The following WSCD1 variants were observed in gnomAD, a reference collection of about 807,000 sequenced individuals.
WSCD1 encodes the protein WSC domain sialate O sulfotransferase 1, also known as sialate:O-sulfotransferase 1.
A neutral mutation model predicts 60.4 loss-of-function variants in WSCD1; 41 were observed. The observed-to-expected ratio is 0.68, with a 90% CI of 0.53 to 0.88. The LOEUF is 0.88. Ranked by LOEUF, WSCD1 falls within the 40% of genes least tolerant of loss-of-function variation. WSCD1 has a pLI of 0.00. For synonymous variants in WSCD1, 361 were observed against 332.5 expected (o/e 1.09, Z -0.93); for missense variants, 784 against 796.2 (o/e 0.98, Z 0.18).
chr17:6,081,120 C>T, intron 2 of WSCD1, 35 bp downstream of exon 2: 1 of 1,506,818 alleles, frequency 6.6e-7, no homozygotes, highest in Non-Finnish European at 8.9e-7. Flanking sequence ...GAGCTGTTCC[C>T]AGGACCCCCC....
At position 6,110,305 on chromosome 17, in the gene WSCD1, T is replaced by G. The variant is rs976953475; in HGVS notation, c.1010-466T>G. 1.3e-5 allele frequency among the ~76,000 whole-genome samples: 2 copies of G among 152,232 alleles called. No homozygotes were observed. Among genetic ancestry groups the G allele is most frequent in the East Asian group, 3.8e-4 (2 of 5,208 alleles). On this transcript the variant is annotated intron_variant, in intron 6 of 8. Transcript: ENST00000317744. This position sits in a 1 kb window ranked among gnomAD's most constrained non-coding sequence, Gnocchi z 4.8. ...GGGGCTTTCCCCTGGTGATTTCATGTGCTCCTTGTAGCAGCCCTGGGGATG... is the reference window on the plus strand; with the variant it reads ...GGGGCTTTCCCCTGGTGATTTCATGGGCTCCTTGTAGCAGCCCTGGGGATG...
intron 5 of WSCD1, among the ~76,000 whole-genome samples, chr17:6,104,738 G>T (rs1036737664): frequency 6.6e-6 from 1 of 152,190 alleles, no homozygotes; most frequent in East Asian, 1.9e-4. Context: ...ATATTGGTTT[G>T]CAGATTTCAC....
chr17:6,099,797 G>C (rs760599353), intron 5 of WSCD1, among the ~76,000 whole-genome samples: 1 of 152,152 alleles, frequency 6.6e-6, no homozygotes, highest in Non-Finnish European at 1.5e-5. Context: ...CCACTTTTCC[G>C]CTGCACACGG....
At chr17:6,087,407 T>C (rs1416041952) in intron 2 of WSCD1, among the ~76,000 whole-genome samples, 1 of 152,220 alleles carries the variant, frequency 6.6e-6, no homozygotes, top group Non-Finnish European at 1.5e-5. Context: ...GGACACTTGC[T>C]CCCATTCTTA....
chr17:6,088,215 C>G (rs1400597800), intron 3 of WSCD1, 111 bp downstream of exon 3: 7 of 875,956 alleles, frequency 8.0e-6, no homozygotes, highest in Non-Finnish European at 1.2e-5. Context: ...ATAATTGGAA[C>G]TCACTGCTCA....
chr17:6,086,262 T>TATATATATATATATATATATATATAG, intron 2 of WSCD1, among the ~76,000 whole-genome samples: 1 of 118,736 alleles, frequency 8.4e-6, no homozygotes, highest in African/African-American at 2.8e-5. Context: ...TATATATATA[T>TATATATATATATATATATATATATAG]ATATATATAT....
At chr17:6,074,457 C>T (rs1908725065) in intron 1 of WSCD1, among the ~76,000 whole-genome samples, 1 of 152,244 alleles carries the variant, frequency 6.6e-6, no homozygotes, top group Admixed American at 6.5e-5. Context: ...GTGCCCCACC[C>T]AGAGGTGGGC....
rs112285134 is a variant in WSCD1, at chr17:6,118,171, G to A, written c.1358G>A (p.Arg453His). The A allele has an allele frequency of 1.2e-5, 20 of 1,614,064 alleles. No individual in the cohort carries two copies. The highest frequency in any genetic ancestry group is 6.6e-5 in the South Asian group (6 of 91,062). ...GGGCACCTGGGATATGCAGCTGACC[G>A]CAACTGGAAGAGCAAAGGTAATCAA... Reference protein sequence around the residue: ...CAGHLGYAADRNWKSKEWPDF... With the variant: ...CAGHLGYAADHNWKSKEWPDF... The change falls in exon 8 of 9, where the codon CGC becomes CAC. Residue 453 changes from arginine to histidine, a missense_variant. By Grantham distance (29) the Arg-to-His change is conservative. Transcript: ENST00000317744. This position sits in a 1 kb window ranked among gnomAD's most constrained non-coding sequence, Gnocchi z 5.8.
intron 7 of WSCD1, among the ~76,000 whole-genome samples, chr17:6,116,220 T>C (rs1911677971): frequency 6.6e-6 from 1 of 152,172 alleles, no homozygotes; most frequent in African/African-American, 2.4e-5. Context: ...GGCCCTTACC[T>C]TATTCAAGCA....
At chr17:6,120,143 C>G (rs532562233) in intron 8 of WSCD1, among the ~76,000 whole-genome samples, 166 bp from the exon 9 acceptor site, 3 of 152,352 alleles carry the variant, frequency 2.0e-5, no homozygotes, top group Admixed American at 6.5e-5. Context: ...CACGGACACA[C>G]TGCTCAGCCA....
intron 1 of WSCD1, among the ~76,000 whole-genome samples, chr17:6,078,700 G>A (rs1014575751): frequency 3.9e-5 from 6 of 152,150 alleles, no homozygotes; most frequent in Non-Finnish European, 8.8e-5. Flanking sequence ...GTCATGCTAA[G>A]GAGCTTAGAG....
rs200707947 is a variant in WSCD1, at chr17:6,090,506, G to A, written c.727+1G>A. 27 of 1,612,266 alleles carry A rather than the reference G, an allele frequency of 1.7e-5. No individual in the cohort carries two copies. The East Asian group carries it at 4.5e-4, about 27-fold the overall frequency. On this transcript the variant is annotated splice_donor_variant, in intron 4 of 8. Coordinates refer to ENST00000317744, the MANE Select transcript of WSCD1 (RefSeq NM_015253.2). LOFTEE classifies it high-confidence loss of function. Reference sequence around the variant, plus strand: ...GAGCTGCAGCCGGGCTCCAGGAAGCGTGAGTGTGCCAGCCTCTTCCTGAGC... The same window carrying A: ...GAGCTGCAGCCGGGCTCCAGGAAGCATGAGTGTGCCAGCCTCTTCCTGAGC...
At position 6,075,732 on chromosome 17, in the gene WSCD1, C is replaced by T. The variant is rs1020964156; in HGVS notation, c.-288-4639C>T. On this transcript the variant is annotated intron_variant, in intron 1 of 8. Transcript: ENST00000317744. The surrounding 1 kb of genome is among the most constrained non-coding windows in gnomAD (Gnocchi z 4.1). Reference sequence around the variant, plus strand: ...GGTGTGCACCTTTGTCCAGCCCTGGCGTGCCCCCTCTACCCCCAATAAGGC... The same window carrying T: ...GGTGTGCACCTTTGTCCAGCCCTGGTGTGCCCCCTCTACCCCCAATAAGGC... Among the ~76,000 whole-genome samples, 1 of 152,164 alleles carries T rather than the reference C, an allele frequency of 6.6e-6. No individual in the cohort carries two copies. The highest frequency in any genetic ancestry group is 2.4e-5 in the African/African-American group (1 of 41,436).
At position 6,101,354 on chromosome 17, in the gene WSCD1, TG is replaced by T. The variant is rs1051789191; in HGVS notation, c.849+6136del. 1.3e-5 allele frequency among the ~76,000 whole-genome samples: 2 copies of T among 151,874 alleles called. No homozygotes were observed. Among genetic ancestry groups the T allele is most frequent in the Admixed American group, 6.6e-5 (1 of 15,258 alleles). ...ATGTTAAATGGGGCAGAGCTGAGCC[TG>T]GGGGTAGGAAGCTAGGGGCTTAATT... On this transcript the variant is annotated intron_variant, in intron 5 of 8. Coordinates refer to ENST00000317744, the MANE Select transcript of WSCD1 (RefSeq NM_015253.2). This position sits in a 1 kb window ranked among gnomAD's most constrained non-coding sequence, Gnocchi z 4.1.
chr17:6,119,425 G>A (rs995505311), intron 8 of WSCD1, among the ~76,000 whole-genome samples: 19 of 152,226 alleles, frequency 1.2e-4, no homozygotes, highest in Non-Finnish European at 7.3e-5. Flanking sequence ...GAGTCTGGGT[G>A]GTAAGTGATG....
In WSCD1 at chr17:6,120,728, T is replaced by G. The variant is rs879123563; in HGVS notation, c.*67T>G. ...CGCACCACGGGGCTGCGCTCCCCACTCTGATGCTCAGGCCCGTGGCCTCAC... is the reference window on the plus strand; with the variant it reads ...CGCACCACGGGGCTGCGCTCCCCACGCTGATGCTCAGGCCCGTGGCCTCAC... On this transcript the variant is annotated 3_prime_UTR_variant, in exon 9 of 9. Coordinates refer to ENST00000317744, the MANE Select transcript of WSCD1 (RefSeq NM_015253.2). 1 of 1,510,352 alleles carries G rather than the reference T, an allele frequency of 6.6e-7. No individual in the cohort carries two copies. Among genetic ancestry groups the G allele is most frequent in the South Asian group, 1.3e-5 (1 of 79,188 alleles). The allele number at this position is 1,510,352 out of a possible 1,614,324, so 93.6% of individuals were successfully genotyped here.
intron 5 of WSCD1, among the ~76,000 whole-genome samples, chr17:6,100,945 T>C (rs552172360): frequency 6.6e-6 from 1 of 152,302 alleles, no homozygotes; most frequent in South Asian, 2.1e-4. Flanking sequence ...ATTCTCCCTC[T>C]AGTATTGAGG....
chr17:6,118,845 C>T lies in WSCD1; in HGVS notation c.1375+657C>T, dbSNP rs751982625. Among the ~76,000 whole-genome samples, 1 of 152,208 alleles carries T rather than the reference C, an allele frequency of 6.6e-6. No homozygotes were observed. Among genetic ancestry groups the T allele is most frequent in the African/African-American group, 2.4e-5 (1 of 41,466 alleles). ...TGGGACTCACACCCAATGTCTTAGT[C>T]AGCTCTGGCTGCCATAACAAAATAC... On this transcript the variant is annotated intron_variant, in intron 8 of 8. Transcript: ENST00000317744. This position sits in a 1 kb window ranked among gnomAD's most constrained non-coding sequence, Gnocchi z 5.8.
At chr17:6,107,882 A>G (rs184324381) in intron 5 of WSCD1, among the ~76,000 whole-genome samples, 186 of 152,282 alleles carry the variant, frequency 1.2e-3, no homozygotes, top group African/African-American at 4.3e-3. Flanking sequence ...CTCGCTTTCC[A>G]TAGAAGAGTG....
Sources: gnomAD v4.1 joint callset for allele counts (sites outside exome capture counted in the v4.1 genomes callset) on GRCh38, gnomAD v4.1.1 for gene constraint, Gnocchi (gnomAD v3.1) non-coding constraint, MANE v1.5 for transcripts, NCBI Gene and HGNC (gene_info 2026-07-23, HGNC 2026-07-21) for gene names.